TENM3: variants seen among roughly 807,000 people sequenced by gnomAD.
The protein encoded by TENM3 is teneurin transmembrane protein 3, also known as teneurin-3.
Under a neutral mutation model 255.1 loss-of-function variants are expected in TENM3, and 63 were observed. That is an observed-to-expected ratio of 0.25 (90% CI 0.20 to 0.30). TENM3 has a LOEUF of 0.30. TENM3 is among the 10% of genes least tolerant of loss of function. The probability of loss-of-function intolerance (pLI) is 1.00; values close to 1 mark genes in which losing one functional copy is unlikely to be tolerated. For missense variants in TENM3, 2,929 were observed against 3,461.1 expected, an observed-to-expected ratio of 0.85 and a Z score of 3.86; for synonymous variants, 1,306 against 1,322.3, an observed-to-expected ratio of 0.99 and a Z score of 0.27.
intron 3 of TENM3, among the ~76,000 whole-genome samples, chr4:182,435,047 A>G (rs1771945308): frequency 6.6e-6 from 1 of 152,192 alleles, no homozygotes. Context: ...ATAATTCTGG[A>G]AATATCCCAA....
At chr4:181,659,672 G>A in the TENM3 span, among the ~76,000 whole-genome samples, 1 of 152,166 alleles carries the variant, frequency 6.6e-6, no homozygotes, top group African/African-American at 2.4e-5. Context: ...GTGCTGAAAT[G>A]TACAGCTAGC....
chr4:181,699,472 A>AAAAAAAAAAAT, the TENM3 span, among the ~76,000 whole-genome samples: 2 of 133,000 alleles, frequency 1.5e-5, no homozygotes, highest in African/African-American at 6.0e-5. Flanking sequence ...AAAAAAAAAA[A>AAAAAAAAAAAT]GAAAGAAAGA....
chr4:182,029,527 T>C, the TENM3 span, among the ~76,000 whole-genome samples: 1 of 152,106 alleles, frequency 6.6e-6, no homozygotes, highest in Non-Finnish European at 1.5e-5. Context: ...GTTGGGTGCA[T>C]ATATATTTAA....
At position 182,217,862 on chromosome 4, in the gene TENM3, A is replaced by G. The variant is rs1419404566; in HGVS notation, c.-76+73108A>G. Among the ~76,000 whole-genome samples, 3 of 152,350 alleles carry G rather than the reference A, an allele frequency of 2.0e-5. No homozygotes were observed. In the East Asian group the frequency reaches 5.8e-4, roughly 29 times the overall value. On this transcript the variant is annotated intron_variant, in intron 1 of 2. Coordinates refer to the TENM3 transcript ENST00000512480. The stretch of plus-strand genomic sequence containing the variant: ...ATGTTATGAATATTAAAGCCCCATA[A>G]AAAGAAAGGTATTCTGCCTAACAGA...
rs556184159 is a variant in TENM3 at position 182,516,496 on chromosome 4, CT to C, written c.512-84423del. On this transcript the variant is annotated intron_variant, in intron 3 of 27. Transcript: ENST00000511685. ...TAGTTCCCTACCTCACGGCCAAACACTTTTTATTAGGGTTCTTTTTCAAAGT... is the reference window on the plus strand; with the variant it reads ...TAGTTCCCTACCTCACGGCCAAACACTTTTATTAGGGTTCTTTTTCAAAGT... Among the ~76,000 whole-genome samples, 6 of 152,280 alleles carry C rather than the reference CT, an allele frequency of 3.9e-5. 1 individual carries two copies. The South Asian group carries it at 1.2e-3, about 32-fold the overall frequency.
intron 3 of TENM3, among the ~76,000 whole-genome samples, chr4:182,411,341 G>T (rs1262863133): frequency 6.6e-6 from 1 of 152,216 alleles, no homozygotes; most frequent in Non-Finnish European, 1.5e-5. Flanking sequence ...TTTCCTGTAT[G>T]CAGTCAAAGT....
the TENM3 span, among the ~76,000 whole-genome samples, chr4:181,534,707 A>C: frequency 2.0e-5 from 3 of 152,094 alleles, no homozygotes; most frequent in African/African-American, 7.2e-5. Context: ...AGTTTATTTC[A>C]GGGCAGAAAC....
intron 1 of TENM3, among the ~76,000 whole-genome samples, chr4:182,252,894 A>G (rs1357208454): frequency 6.6e-6 from 1 of 152,180 alleles, no homozygotes; most frequent in Non-Finnish European, 1.5e-5. Context: ...AAAGAAACCC[A>G]GCTTCATGTA....
the TENM3 span, among the ~76,000 whole-genome samples, chr4:181,758,999 A>G: frequency 5.3e-5 from 8 of 152,266 alleles, no homozygotes; most frequent in African/African-American, 1.9e-4. Flanking sequence ...TAAGTGTTTT[A>G]TTTTCATTCT....
chr4:181,465,742 T>C, the TENM3 span, among the ~76,000 whole-genome samples: 2 of 152,132 alleles, frequency 1.3e-5, no homozygotes, highest in African/African-American at 4.8e-5. Context: ...TGAATAGCGC[T>C]GAAACTCCAC....
the TENM3 span, among the ~76,000 whole-genome samples, chr4:181,595,914 A>T: frequency 6.6e-6 from 1 of 152,074 alleles, no homozygotes; most frequent in Non-Finnish European, 1.5e-5. Context: ...ATTCCAGGCC[A>T]CTCATGCGAG....
chr4:181,587,983 G>A, the TENM3 span, among the ~76,000 whole-genome samples: 1 of 152,134 alleles, frequency 6.6e-6, no homozygotes, highest in South Asian at 2.1e-4. Context: ...GGGTGGGGAC[G>A]TTGATTGTGG....
At chr4:182,703,715 TTTTG>T (rs1203109802) in intron 12 of TENM3, among the ~76,000 whole-genome samples, 1 of 152,222 alleles carries the variant, frequency 6.6e-6, no homozygotes, top group Non-Finnish European at 1.5e-5. Context: ...GATTGTTCAG[TTTTG>T]TTTATTATTT....
the TENM3 span, among the ~76,000 whole-genome samples, chr4:181,614,275 C>T: frequency 5.3e-5 from 8 of 152,128 alleles, no homozygotes; most frequent in African/African-American, 1.9e-4. Context: ...GTAAGTTTTG[C>T]GTTTTTCTCC....
chr4:181,832,356 C>T, the TENM3 span, among the ~76,000 whole-genome samples: 1 of 152,174 alleles, frequency 6.6e-6, no homozygotes, highest in East Asian at 1.9e-4. Flanking sequence ...CAATATGCAA[C>T]AGCTGGGTTT....
the TENM3 span, among the ~76,000 whole-genome samples, chr4:181,558,443 G>GTGACA: frequency 6.6e-6 from 1 of 152,202 alleles, no homozygotes; most frequent in Non-Finnish European, 1.5e-5. Flanking sequence ...AATGTGGATC[G>GTGACA]TGACATGGGT....
chr4:181,908,015 A>C, the TENM3 span, among the ~76,000 whole-genome samples: 29 of 152,292 alleles, frequency 1.9e-4, no homozygotes, highest in Non-Finnish European at 4.3e-4. Flanking sequence ...TTTTGACTCG[A>C]GTGCTAAAGC....
chr4:181,817,786 G>A, the TENM3 span, among the ~76,000 whole-genome samples: 1 of 152,164 alleles, frequency 6.6e-6, no homozygotes, highest in Non-Finnish European at 1.5e-5. Context: ...ACGCCAACCT[G>A]CTAGCATCTT....
chr4:181,729,311 A>C, the TENM3 span, among the ~76,000 whole-genome samples: 1 of 152,214 alleles, frequency 6.6e-6, no homozygotes, highest in African/African-American at 2.4e-5. Flanking sequence ...TGGAAGGGGA[A>C]TGACATGACT....
Sources: gnomAD v4.1 joint callset for allele counts (sites outside exome capture counted in the v4.1 genomes callset) on GRCh38, gnomAD v4.1.1 for gene constraint, MANE v1.5 for transcripts, NCBI Gene and HGNC (gene_info 2026-07-23, HGNC 2026-07-21) for gene names.